Variants in FAM220A observed in about 807,000 individuals in gnomAD.
The protein encoded by FAM220A is protein FAM220A.
For synonymous variants in FAM220A, 141 were observed against 130.7 expected (o/e 1.08, Z -0.54); for missense variants, 392 against 321.6 (o/e 1.22, Z -1.68).
At position 6,330,261 on chromosome 7, in the gene FAM220A, C is replaced by A. The variant is rs1781600866; in HGVS notation, c.*114G>T. ...TTTACTTTAAGTCTGCCAGGTCGTA[C>A]AAAACTACAGCAGGAACCTAAGGGC... On this transcript the variant is annotated 3_prime_UTR_variant, in exon 2 of 2. Coordinates refer to ENST00000313324, the MANE Select transcript of FAM220A (RefSeq NM_001037163.2). The A allele has an allele frequency of 1.9e-6, 2 of 1,080,074 alleles. No individual in the cohort carries two copies. The highest frequency in any genetic ancestry group is 3.2e-5 in the African/African-American group (2 of 62,398). 66.9% of individuals were successfully genotyped at this position (1,080,074 alleles called of 1,614,324 possible).
chr7:6,343,396 T>TCA (rs1781899726), intron 1 of FAM220A, among the ~76,000 whole-genome samples: 2 of 76,880 alleles, frequency 2.6e-5, no homozygotes, highest in Admixed American at 1.9e-4. Context: ...AATAATAATT[T>TCA]CATATATATA....
At chr7:6,334,413 G>A (rs1269431197) in intron 1 of FAM220A, among the ~76,000 whole-genome samples, 2 of 151,714 alleles carry the variant, frequency 1.3e-5, no homozygotes, top group Admixed American at 1.3e-4. Context: ...GAGCATGCCT[G>A]TAGTCCCTGC....
intron 1 of FAM220A, among the ~76,000 whole-genome samples, chr7:6,347,244 G>T (rs1583243035): frequency 6.6e-6 from 1 of 152,360 alleles, no homozygotes; most frequent in East Asian, 1.9e-4. Flanking sequence ...GCTGGGCGCT[G>T]TGGCTGACGC....
Position 6,339,896 on chromosome 7 carries a change from C to T in FAM220A, c.-81-8661G>A, listed in dbSNP as rs115923530. Among the ~76,000 whole-genome samples, 493 of 149,800 alleles carry T rather than the reference C, an allele frequency of 3.3e-3. 2 individuals are homozygous for T. Among genetic ancestry groups the T allele is most frequent in the Non-Finnish European group, 4.9e-3 (328 of 67,308 alleles). ...AGCTCGGCGTCAGGCAACTGACTTT[C>T]CGCAGGGAGCATGAGTCTCACTCTG... On this transcript the variant is annotated intron_variant, in intron 1 of 1. Transcript: ENST00000313324.
Position 6,339,803 on chromosome 7 carries a change from C to T in FAM220A, c.-81-8568G>A, listed in dbSNP as rs534883356. On this transcript the variant is annotated intron_variant, in intron 1 of 1. Transcript: ENST00000313324. ...TCTCTTAACCACTGCCCTGTCTCCC[C>T]CTCCCGGTCCCCTGGATGCTCACAG... 4.6e-5 allele frequency among the ~76,000 whole-genome samples: 7 copies of T among 151,870 alleles called. No homozygotes were observed. The South Asian group carries it at 6.2e-4, about 14-fold the overall frequency.
chr7:6,332,576 T>C (rs1051275755), intron 1 of FAM220A, among the ~76,000 whole-genome samples: 2 of 151,846 alleles, frequency 1.3e-5, no homozygotes, highest in Non-Finnish European at 2.9e-5. Context: ...TCAGCAGCTA[T>C]AGTCCCAGAT....
intron 1 of FAM220A, among the ~76,000 whole-genome samples, chr7:6,333,926 A>C (rs1226386205): frequency 6.7e-6 from 1 of 148,920 alleles, no homozygotes; most frequent in Non-Finnish European, 1.5e-5. Flanking sequence ...AGCTCACTAA[A>C]AGCTCCACCT....
intron 1 of FAM220A, among the ~76,000 whole-genome samples, chr7:6,340,131 C>A (rs990644513): frequency 6.6e-6 from 1 of 152,064 alleles, no homozygotes; most frequent in Admixed American, 6.6e-5. Flanking sequence ...GTGATCCGCC[C>A]GCCTCGGCCT....
chr7:6,341,315 C>T lies in FAM220A; in HGVS notation c.-82+7258G>A, dbSNP rs182626931. 4.9e-3 allele frequency among the ~76,000 whole-genome samples: 649 copies of T among 132,674 alleles called. 21 individuals carry two copies. In the East Asian group the frequency reaches 0.086, roughly 18 times the overall value. 87.0% of individuals were successfully genotyped at this position (132,674 alleles called of 152,430 possible). ...AAAATTGGCTGGGCCTGGTGGCGGG[C>T]GCCTGTAGTCCCAGCTACTCGGGAG... On this transcript the variant is annotated intron_variant, in intron 1 of 1. Coordinates refer to ENST00000313324, the MANE Select transcript of FAM220A (RefSeq NM_001037163.2).
chr7:6,338,246 C>T (rs1781783795), intron 1 of FAM220A, among the ~76,000 whole-genome samples: 1 of 152,106 alleles, frequency 6.6e-6, no homozygotes, highest in Non-Finnish European at 1.5e-5. Flanking sequence ...ATATTTAAGT[C>T]ATTTATGAGT....
intron 1 of FAM220A, among the ~76,000 whole-genome samples, chr7:6,335,717 T>C (rs533933268): frequency 9.5e-4 from 144 of 152,248 alleles, no homozygotes; most frequent in African/African-American, 3.2e-3. Context: ...ATTGTGACCA[T>C]TATTCTATAT....
chr7:6,343,523 T>C (rs1012331521), intron 1 of FAM220A, among the ~76,000 whole-genome samples: 1 of 150,014 alleles, frequency 6.7e-6, no homozygotes, highest in East Asian at 1.9e-4. Context: ...TGTTAAATTA[T>C]AGCAGATTCA....
rs373261367 is a variant in FAM220A at position 6,348,923 on chromosome 7, G to C, written c.-432C>G. On this transcript the variant is annotated 5_prime_UTR_variant, in exon 1 of 2. Coordinates refer to ENST00000313324, the MANE Select transcript of FAM220A (RefSeq NM_001037163.2). ...GAGTCCGCACGTCACGCTCGGAGAA[G>C]TGCCTCCGCGAGCAGCCGCCTGTAC... is the stretch of plus-strand genomic sequence containing the variant. 10 of 384,380 alleles carry C rather than the reference G, an allele frequency of 2.6e-5. No individual in the cohort carries two copies. The East Asian group carries it at 3.4e-4, about 13-fold the overall frequency. The allele number at this position is 384,380 out of a possible 1,614,324, so 23.8% of individuals were successfully genotyped here.
intron 1 of FAM220A, chr7:6,341,878 A>C (rs1226097269): frequency 6.7e-6 from 1 of 150,284 alleles, no homozygotes; most frequent in African/African-American, 2.5e-5. Context: ...GGCACCTGTA[A>C]TCCCAGCTGC....
intron 1 of FAM220A, among the ~76,000 whole-genome samples, chr7:6,344,519 C>T (rs1213404153): frequency 6.6e-6 from 1 of 151,902 alleles, no homozygotes; most frequent in African/African-American, 2.4e-5. Context: ...ACCTTCTGGC[C>T]TCAAGTGATC....
At chr7:6,332,374 T>C (rs778845024) in intron 1 of FAM220A, among the ~76,000 whole-genome samples, 6 of 152,182 alleles carry the variant, frequency 3.9e-5, no homozygotes, top group East Asian at 1.9e-4. Context: ...TACTGCCCTA[T>C]GGATACTGAC....
intron 1 of FAM220A, among the ~76,000 whole-genome samples, chr7:6,334,136 G>C (rs111342484): frequency 0.06 from 9,080 of 151,098 alleles, 307 homozygotes; most frequent in African/African-American, 0.073. Context: ...GTGAGCCACC[G>C]CACCCAGCCG....
rs1392943194 is a variant in FAM220A at position 6,348,727 on chromosome 7, C to A, written c.-236G>T. ...GCGGGCGGCGGCCGAGCGCGAGAGC[C>A]GGACAGCCAGGCCCGACAGAGCCGC... On this transcript the variant is annotated 5_prime_UTR_variant, in exon 1 of 2. Coordinates refer to ENST00000313324, the MANE Select transcript of FAM220A (RefSeq NM_001037163.2). 2.4e-6 allele frequency: 1 copy of A among 417,156 alleles called. No individual in the cohort carries two copies. 25.8% of individuals were successfully genotyped at this position (417,156 alleles called of 1,614,324 possible).
At chr7:6,345,440 T>G (rs1781934655) in intron 1 of FAM220A, among the ~76,000 whole-genome samples, 6 of 152,240 alleles carry the variant, frequency 3.9e-5, no homozygotes, top group Admixed American at 2.6e-4. Context: ...TTTTTAGAAG[T>G]TGCCTCTGAT....
Sources: allele counts gnomAD v4.1 joint callset (sites outside exome capture counted in the v4.1 genomes callset), GRCh38; gene constraint gnomAD v4.1.1; transcripts MANE v1.5; gene names NCBI Gene and HGNC (gene_info 2026-07-23, HGNC 2026-07-21).